The following CACNA2D3 variants were observed in gnomAD, a reference collection of about 807,000 sequenced individuals.
CACNA2D3 encodes the protein calcium voltage-gated channel auxiliary subunit alpha2delta 3.
In CACNA2D3, 60 loss-of-function variants were observed where a neutral mutation model predicts 160.6. The observed-to-expected ratio is 0.37, with a 90% confidence interval of 0.30 to 0.46. CACNA2D3 has a LOEUF of 0.46. CACNA2D3 is among the 20% of genes least tolerant of loss of function. CACNA2D3 has a pLI of 1.00. For synonymous variants in CACNA2D3, 558 were observed against 492.9 expected, an observed-to-expected ratio of 1.13 and a Z score of -1.75; for missense variants, 1,205 against 1,365.0, an observed-to-expected ratio of 0.88 and a Z score of 1.85.
chr3:54,947,899 C>T (rs116450961), intron 27 of CACNA2D3, among the ~76,000 whole-genome samples: 2,419 of 152,254 alleles, frequency 0.016, 62 homozygotes, highest in African/African-American at 0.054. Flanking sequence ...AACAAATTTG[C>T]CTGCAGCTGC....
intron 17 of CACNA2D3, among the ~76,000 whole-genome samples, chr3:54,859,557 A>T (rs1699239812): frequency 6.6e-6 from 1 of 152,040 alleles, no homozygotes; most frequent in South Asian, 2.1e-4. Context: ...GATGGAGTCT[A>T]CCCCGTGCCT....
chr3:54,192,639 C>G (rs867595262), intron 2 of CACNA2D3, among the ~76,000 whole-genome samples: 1 of 151,598 alleles, frequency 6.6e-6, no homozygotes, highest in Non-Finnish European at 1.5e-5. Context: ...ATGAAGTGGT[C>G]TCAGCTCCCT....
intron 17 of CACNA2D3, among the ~76,000 whole-genome samples, chr3:54,849,302 G>A (rs1281326289): frequency 6.6e-6 from 1 of 152,106 alleles, no homozygotes; most frequent in Non-Finnish European, 1.5e-5. Flanking sequence ...CTAAGAGTCA[G>A]CCGGCATGAA....
At chr3:54,264,105 C>A (rs906337893) in intron 2 of CACNA2D3, among the ~76,000 whole-genome samples, 1 of 152,034 alleles carries the variant, frequency 6.6e-6, no homozygotes, top group Admixed American at 6.6e-5. Flanking sequence ...CACAATATGG[C>A]AAATTTGCTA....
intron 11 of CACNA2D3, among the ~76,000 whole-genome samples, chr3:54,734,694 G>T (rs934186384): frequency 4.6e-5 from 7 of 152,158 alleles, no homozygotes; most frequent in African/African-American, 1.7e-4. Context: ...TTGTCTTCCA[G>T]TTGCCAGTTA....
chr3:54,982,977 C>G (rs146199639), intron 29 of CACNA2D3, among the ~76,000 whole-genome samples: 176 of 152,218 alleles, frequency 1.2e-3, no homozygotes, highest in African/African-American at 4.1e-3. Context: ...ACTATCTCAT[C>G]CTGTGACTTA....
chr3:54,628,327 G>T lies in CACNA2D3; in HGVS notation c.1053+451G>T, dbSNP rs535762148. 7.9e-5 allele frequency among the ~76,000 whole-genome samples: 12 copies of T among 152,348 alleles called. No homozygotes were observed. The South Asian group carries it at 1.2e-3, about 16-fold the overall frequency. On this transcript the variant is annotated intron_variant, in intron 10 of 37. Coordinates refer to ENST00000474759, the MANE Select transcript of CACNA2D3 (RefSeq NM_018398.3). ...AGAGTGAGACTGGCTGGCCATTTAAGTCATCTAGGGAACCAGATGCCAGCC... is the reference window on the plus strand; with the variant it reads ...AGAGTGAGACTGGCTGGCCATTTAATTCATCTAGGGAACCAGATGCCAGCC...
intron 32 of CACNA2D3, among the ~76,000 whole-genome samples, chr3:55,005,370 T>TAA (rs945622200): frequency 2.6e-5 from 4 of 152,212 alleles, no homozygotes; most frequent in Non-Finnish European, 4.4e-5. Flanking sequence ...GAAATGGATC[T>TAA]AAAGTCTTTG....
chr3:54,859,222 A>G (rs116477384), intron 17 of CACNA2D3, among the ~76,000 whole-genome samples: 1,868 of 152,338 alleles, frequency 0.012, 45 homozygotes, highest in African/African-American at 0.043. Flanking sequence ...GATAAGACCC[A>G]AAGAATGCAA....
At chr3:54,573,124 C>T (rs1232051680) in intron 8 of CACNA2D3, among the ~76,000 whole-genome samples, 1 of 152,178 alleles carries the variant, frequency 6.6e-6, no homozygotes, top group Non-Finnish European at 1.5e-5. Context: ...CACTGTGCAT[C>T]TGTTTGTTCA....
intron 2 of CACNA2D3, among the ~76,000 whole-genome samples, chr3:54,184,766 A>G (rs1020914459): frequency 5.3e-5 from 8 of 152,218 alleles, no homozygotes; most frequent in Admixed American, 1.3e-4. Flanking sequence ...AGAGTAGTTA[A>G]TGTGGGTGAA....
At chr3:54,833,217 A>G (rs193226708) in intron 14 of CACNA2D3, among the ~76,000 whole-genome samples, 2 of 152,348 alleles carry the variant, frequency 1.3e-5, no homozygotes, top group East Asian at 1.9e-4. Context: ...AATGAAGGAT[A>G]TGGAATAATA....
At chr3:54,363,302 C>CA (rs946450084) in intron 3 of CACNA2D3, among the ~76,000 whole-genome samples, 2 of 152,076 alleles carry the variant, frequency 1.3e-5, no homozygotes, top group Admixed American at 6.5e-5. Flanking sequence ...CAAAACAAAA[C>CA]AAAAAAACCA....
intron 4 of CACNA2D3, among the ~76,000 whole-genome samples, chr3:54,440,053 G>C (rs1333855187): frequency 6.6e-6 from 1 of 152,082 alleles, no homozygotes; most frequent in Non-Finnish European, 1.5e-5. Context: ...CACCCAGCAG[G>C]GCTGGCTTGT....
At chr3:54,303,006 T>C (rs1703514562) in intron 2 of CACNA2D3, among the ~76,000 whole-genome samples, 2 of 151,976 alleles carry the variant, frequency 1.3e-5, no homozygotes, top group South Asian at 4.2e-4. Context: ...GGTCTTTCCC[T>C]CTCCTGTGAC....
intron 8 of CACNA2D3, among the ~76,000 whole-genome samples, chr3:54,576,765 T>G (rs927800578): frequency 7.9e-5 from 12 of 152,176 alleles, no homozygotes; most frequent in Non-Finnish European, 1.5e-4. Flanking sequence ...CCAGGTGCAG[T>G]GGCTCATGCC....
At chr3:54,170,405 C>G (rs1700541355) in intron 2 of CACNA2D3, among the ~76,000 whole-genome samples, 1 of 152,034 alleles carries the variant, frequency 6.6e-6, no homozygotes, top group South Asian at 2.1e-4. Context: ...GAGTAAACGT[C>G]AAAATATAAT....
intron 20 of CACNA2D3, among the ~76,000 whole-genome samples, chr3:54,879,902 A>G: frequency 6.6e-6 from 1 of 152,056 alleles, no homozygotes; most frequent in East Asian, 1.9e-4. Flanking sequence ...AACAGTCCTG[A>G]AAAATGGCTT....
At chr3:54,492,918 G>A (rs1377795938) in intron 4 of CACNA2D3, among the ~76,000 whole-genome samples, 1 of 152,152 alleles carries the variant, frequency 6.6e-6, no homozygotes, top group Non-Finnish European at 1.5e-5. Context: ...AATGCCCAGA[G>A]AGAATATGCT....
Sources: gnomAD v4.1 joint callset for allele counts (sites outside exome capture counted in the v4.1 genomes callset) on GRCh38, gnomAD v4.1.1 for gene constraint, MANE v1.5 for transcripts, NCBI Gene and HGNC (gene_info 2026-07-23, HGNC 2026-07-21) for gene names.